The following MBNL2 variants were observed in gnomAD, a reference collection of about 807,000 sequenced individuals.
The protein encoded by MBNL2 is muscleblind like splicing regulator 2.
A neutral mutation model predicts 41.9 loss-of-function variants in MBNL2; 17 were observed. The observed-to-expected ratio is 0.41, with a 90% CI of 0.28 to 0.61. The LOEUF is 0.61. Among genes scored for constraint, MBNL2 ranks in the 20% least tolerant of loss-of-function variants. The pLI is 0.35. For synonymous variants in MBNL2, 195 were observed against 182.9 expected (o/e 1.07, Z -0.53); for missense variants, 336 against 505.6 (o/e 0.66, Z 3.22).
chr13:97,252,285 T>C (rs1352119590), intron 1 of MBNL2, among the ~76,000 whole-genome samples: 2 of 152,238 alleles, frequency 1.3e-5, no homozygotes. Context: ...TATCCAGATA[T>C]ACCAAAGCCA....
intron 1 of MBNL2, among the ~76,000 whole-genome samples, chr13:97,246,753 C>T (rs1005832341): frequency 6.6e-6 from 1 of 152,162 alleles, no homozygotes; most frequent in Non-Finnish European, 1.5e-5. Context: ...TTGTACCAAA[C>T]CACGCTACAA....
chr13:97,380,734 G>A (rs2065373192), intron 8 of MBNL2, among the ~76,000 whole-genome samples: 1 of 152,108 alleles, frequency 6.6e-6, no homozygotes, highest in African/African-American at 2.4e-5. Flanking sequence ...GCTTTAATGG[G>A]GGATGGTTAG....
At chr13:97,349,734 G>A (rs557824181) in intron 5 of MBNL2, among the ~76,000 whole-genome samples, 74 of 152,200 alleles carry the variant, frequency 4.9e-4, no homozygotes, top group Non-Finnish European at 4.6e-4. Flanking sequence ...GAACGCCTGG[G>A]TTCAGAAACT....
intron 1 of MBNL2, among the ~76,000 whole-genome samples, chr13:97,248,984 G>A (rs2046012559): frequency 6.6e-6 from 1 of 152,008 alleles, no homozygotes; most frequent in Non-Finnish European, 1.5e-5. Flanking sequence ...CTTAAAAGTG[G>A]CCACCCCCAA....
At chr13:97,188,675 C>T in the MBNL2 span, among the ~76,000 whole-genome samples, 1 of 151,274 alleles carries the variant, frequency 6.6e-6, no homozygotes, top group Admixed American at 6.6e-5. Context: ...AGAGAACATG[C>T]ATGTTTGAAA....
chr13:97,143,723 T>G, the MBNL2 span, among the ~76,000 whole-genome samples: 1 of 152,252 alleles, frequency 6.6e-6, no homozygotes, highest in Non-Finnish European at 1.5e-5. Context: ...AACTCTCTTT[T>G]ATTTTTGCTT....
the MBNL2 span, among the ~76,000 whole-genome samples, chr13:97,206,551 T>C: frequency 6.6e-6 from 1 of 152,290 alleles, no homozygotes; most frequent in Non-Finnish European, 1.5e-5. Context: ...TTCTGAGCAC[T>C]AACTCCTTTA....
intron 2 of MBNL2, among the ~76,000 whole-genome samples, chr13:97,305,636 G>T (rs912870327): frequency 1.3e-5 from 2 of 151,968 alleles, no homozygotes; most frequent in Admixed American, 6.6e-5. Flanking sequence ...GTGGTGGCAC[G>T]CACTTGTAGT....
chr13:97,227,265 A>G (rs544721704), intron 1 of MBNL2, among the ~76,000 whole-genome samples: 1 of 152,272 alleles, frequency 6.6e-6, no homozygotes, highest in Non-Finnish European at 1.5e-5. Flanking sequence ...GGGTCTTGGC[A>G]GACAGATGGG....
the MBNL2 span, among the ~76,000 whole-genome samples, chr13:97,150,767 G>A: frequency 6.6e-6 from 1 of 152,126 alleles, no homozygotes; most frequent in Admixed American, 6.5e-5. Flanking sequence ...ACTTGCCTTA[G>A]CTTCCCGAGT....
intron 3 of MBNL2, among the ~76,000 whole-genome samples, chr13:97,338,825 G>A (rs1263639347): frequency 6.6e-6 from 1 of 152,162 alleles, no homozygotes; most frequent in Non-Finnish European, 1.5e-5. Context: ...GCCTTTTAGC[G>A]TGAGTGCCAG....
At chr13:97,321,324 C>T (rs1230443102) in intron 2 of MBNL2, among the ~76,000 whole-genome samples, 1 of 152,132 alleles carries the variant, frequency 6.6e-6, no homozygotes, top group Admixed American at 6.6e-5. Context: ...TTGCTGGGGT[C>T]CAGGAGGGGA....
chr13:97,142,748 A>G, the MBNL2 span, among the ~76,000 whole-genome samples: 1 of 152,208 alleles, frequency 6.6e-6, no homozygotes, highest in Non-Finnish European at 1.5e-5. Flanking sequence ...CTACCCAAGG[A>G]ATTGTAACCT....
rs577807191 is a variant in MBNL2 at position 97,235,544 on chromosome 13, AG to A, written c.-605+13015del. Among the ~76,000 whole-genome samples the A allele has an allele frequency of 2.0e-3, 308 of 152,342 alleles. 1 individual carries two copies. The highest frequency in any genetic ancestry group is 2.5e-3 in the Non-Finnish European group (173 of 68,012). On this transcript the variant is annotated intron_variant, in intron 1 of 8. Transcript: ENST00000679496. ...GAGTCCCCTTATCCAGGTACATGTT[AG>A]GTCTTGAGTTAATTGCTCTGTGGCT...
chr13:97,256,352 A>AT (rs564441578), intron 1 of MBNL2, among the ~76,000 whole-genome samples: 8,483 of 148,918 alleles, frequency 0.057, 581 homozygotes, highest in African/African-American at 0.17. Flanking sequence ...TTTTTAATCA[A>AT]TTTTTTTTTT....
the MBNL2 span, among the ~76,000 whole-genome samples, chr13:97,150,644 A>AT: frequency 6.6e-6 from 1 of 152,158 alleles, no homozygotes; most frequent in Non-Finnish European, 1.5e-5. Context: ...TTGACCAACA[A>AT]TTGGGGCTGT....
chr13:97,381,882 A>G (rs2065484163), intron 8 of MBNL2, among the ~76,000 whole-genome samples: 1 of 151,966 alleles, frequency 6.6e-6, no homozygotes, highest in South Asian at 2.1e-4. Context: ...TGCATATTAC[A>G]TATATTACAT....
intron 2 of MBNL2, among the ~76,000 whole-genome samples, chr13:97,321,226 A>G (rs2059473322): frequency 1.3e-5 from 2 of 152,144 alleles, no homozygotes; most frequent in Admixed American, 6.5e-5. Context: ...ATATTTTACC[A>G]TAAGTACCTC....
intron 2 of MBNL2, among the ~76,000 whole-genome samples, chr13:97,328,243 TG>T (rs67169780): frequency 0.27 from 40,627 of 149,684 alleles, 5,793 homozygotes; most frequent in Middle Eastern, 0.32. Flanking sequence ...GCTTCTGAAA[TG>T]TAACTCCAGA....
Sources: allele counts gnomAD v4.1 joint callset (sites outside exome capture counted in the v4.1 genomes callset), GRCh38; gene constraint gnomAD v4.1.1; transcripts MANE v1.5; gene names NCBI Gene and HGNC (gene_info 2026-07-23, HGNC 2026-07-21).